Variants in ZFP37 observed in about 807,000 individuals in gnomAD.
ZFP37 encodes the protein zinc finger protein 37 homolog.
In ZFP37, 38 loss-of-function variants were observed where a neutral mutation model predicts 52.1. The ratio of observed to expected loss-of-function variants is 0.73; its 90% CI spans 0.56 to 0.96. The LOEUF is 0.96. ZFP37 is among the 40% of genes least tolerant of loss of function. ZFP37 has a pLI of 0.00. For missense variants in ZFP37, 695 were observed against 741.4 expected (o/e 0.94, Z 0.73); for synonymous variants, 253 against 259.5 (o/e 0.98, Z 0.24).
At position 113,052,458 on chromosome 9, in the gene ZFP37, G is replaced by T. The variant is rs1055996106; in HGVS notation, c.133-2586C>A. On this transcript the variant is annotated intron_variant, in intron 1 of 3. Transcript: ENST00000374227. This position sits in a 1 kb window ranked among gnomAD's most constrained non-coding sequence, Gnocchi z 4.1. ...GACTCACATGACTCAGTATATAATTGTACTCATAGCTATTATTTATTGTAG... is the reference window on the plus strand; with the variant it reads ...GACTCACATGACTCAGTATATAATTTTACTCATAGCTATTATTTATTGTAG... Among the ~76,000 whole-genome samples, 1 of 152,068 alleles carries T rather than the reference G, an allele frequency of 6.6e-6. No homozygotes were observed. Among genetic ancestry groups the T allele is most frequent in the African/African-American group, 2.4e-5 (1 of 41,394 alleles).
Position 113,043,051 on chromosome 9 carries a change from C to T in ZFP37, c.1567G>A (p.Gly523Arg). ...CCTTCAATTTGTTTAAAGCCTTTCC[C>T]ACATTGATTACATTCAAAGGGACTT... is the stretch of plus-strand genomic sequence containing the variant. ...GESPFECNQC[G>R]KGFKQIEGLT... Residue 523 changes from glycine (G) to arginine (R), a missense_variant, in exon 4 of 4, where the codon GGG becomes AGG. Coordinates refer to ENST00000374227, the MANE Select transcript of ZFP37 (RefSeq NM_003408.3). 1 of 1,613,554 alleles carries T rather than the reference C, an allele frequency of 6.2e-7. No homozygotes were observed. The highest frequency in any genetic ancestry group is 8.5e-7 in the Non-Finnish European group (1 of 1,179,922).
rs373545380 is a variant in ZFP37, at chr9:113,056,717, G to C, written c.-29C>G. ...GGCTACCCGGAGGGCGGCCTTAGCGGGTCCGGCAGCCGCGATGGCGGCGCC... is the reference window on the plus strand; with the variant it reads ...GGCTACCCGGAGGGCGGCCTTAGCGCGTCCGGCAGCCGCGATGGCGGCGCC... On this transcript the variant is annotated 5_prime_UTR_variant, in exon 1 of 4. Transcript: ENST00000374227. 29 of 1,602,888 alleles carry C rather than the reference G, an allele frequency of 1.8e-5. No homozygotes were observed. The African/African-American group carries it at 3.6e-4, about 20-fold the overall frequency.
intron 3 of ZFP37, among the ~76,000 whole-genome samples, chr9:113,046,100 G>C (rs1325171237): frequency 6.6e-6 from 1 of 151,486 alleles, no homozygotes; most frequent in Non-Finnish European, 1.5e-5. Context: ...TAATTCCCAT[G>C]TTGCAGAAGA....
rs74440969 is a variant in ZFP37 at position 113,048,293 on chromosome 9, G to A, written c.349+1069C>T. Among the ~76,000 whole-genome samples, 775 of 152,248 alleles carry A rather than the reference G, an allele frequency of 5.1e-3. 7 individuals are homozygous for A. The highest frequency in any genetic ancestry group is 0.017 in the African/African-American group (706 of 41,536). ...GGGTCTAGAGAATTTCCTAGTGAAA[G>A]GAGAGAAACGGAAATAACTCAGGGC... On this transcript the variant is annotated intron_variant, in intron 3 of 3. Coordinates refer to ENST00000374227, the MANE Select transcript of ZFP37 (RefSeq NM_003408.3).
intron 1 of ZFP37, 75 bp downstream of exon 1, chr9:113,056,482 A>T: frequency 6.3e-7 from 1 of 1,577,182 alleles, no homozygotes; most frequent in South Asian, 1.1e-5. Context: ...CTATCGTCAC[A>T]GACTACTCCA....
chr9:113,056,464 C>T, intron 1 of ZFP37, 93 bp downstream of exon 1: 1 of 1,549,012 alleles, frequency 6.5e-7, no homozygotes, highest in South Asian at 1.2e-5. Context: ...CACCAATTCC[C>T]AAATCACCTA....
chr9:113,043,790 G>T lies in ZFP37; in HGVS notation c.828C>A (p.Ser276Arg), dbSNP rs559269132. ...QTGEKHEKSP[S>R]LSSSTKHEKP... is the part of the protein sequence containing the mutation. ...TTTCATGCTTAGTAGATGAGCTAAGGCTGGGTGATTTCTCATGTTTCTCTC... is the reference window on the plus strand; with the variant it reads ...TTTCATGCTTAGTAGATGAGCTAAGTCTGGGTGATTTCTCATGTTTCTCTC... The change falls in exon 4 of 4, where the codon AGC becomes AGA. Residue 276 changes from serine (S) to arginine (R), a missense_variant. Around this residue, in one of 2 missense-constraint regions of ZFP37, gnomAD observed 369 missense variants for 340.9 expected, o/e 1.08. Coordinates refer to ENST00000374227, the MANE Select transcript of ZFP37 (RefSeq NM_003408.3). 25 of 1,614,014 alleles carry T rather than the reference G, an allele frequency of 1.5e-5. No individual in the cohort carries two copies. The highest frequency in any genetic ancestry group is 6.6e-5 in the South Asian group (6 of 91,078).
rs1828804603 is a variant in ZFP37 at position 113,038,924 on chromosome 9, A to G, written c.*3801T>C. 2 of 152,172 alleles carry G rather than the reference A, an allele frequency of 1.3e-5. 1 individual carries two copies. The highest frequency in any genetic ancestry group is 4.1e-4 in the South Asian group (2 of 4,828). The allele number at this position is 152,172 out of a possible 1,614,324, so 9.4% of individuals were successfully genotyped here. A position where few individuals can be genotyped will look rare whatever the true frequency, so the allele number is the denominator to read the frequency against. On this transcript the variant is annotated 3_prime_UTR_variant, in exon 4 of 4. Transcript: ENST00000374227. ...TTTGTGGAAAATTTTAATTTTCTTC[A>G]ATATTGGATTACTCACTTGATGCCT...
chr9:113,049,451 C>G lies in ZFP37; in HGVS notation c.260G>C (p.Gly87Ala). 6.2e-7 allele frequency: 1 copy of G among 1,614,062 alleles called. No individual in the cohort carries two copies. Among genetic ancestry groups the G allele is most frequent in the East Asian group, 2.2e-5 (1 of 44,872 alleles). Residue 87 changes from glycine (G) to alanine (A), a missense_variant, in exon 3 of 4, where the codon GGA (glycine) becomes GCA (alanine). Transcript: ENST00000374227. ...CCCCTTCCCCAACCATGGTGCTTCT[C>G]CTTTTTCCAACTTGGAGATCATGTC... ...KPDMISKLEK[G>A]EAPWLGKGKR...
At chr9:113,045,810 G>C (rs1230260322) in intron 3 of ZFP37, among the ~76,000 whole-genome samples, 1 of 152,132 alleles carries the variant, frequency 6.6e-6, no homozygotes, top group Non-Finnish European at 1.5e-5. Context: ...ATAATCTTAA[G>C]AGCTGGGGCC....
Position 113,040,532 on chromosome 9 carries a change from A to T in ZFP37, c.*2193T>A, listed in dbSNP as rs747312456. Reference sequence around the variant, plus strand: ...TGTGTGCACATGCACATACACGAACACATATTCCATTCTCAATATATTATA... The same window carrying T: ...TGTGTGCACATGCACATACACGAACTCATATTCCATTCTCAATATATTATA... On this transcript the variant is annotated 3_prime_UTR_variant, in exon 4 of 4. Transcript: ENST00000374227. 19 of 152,268 alleles carry T rather than the reference A, an allele frequency of 1.2e-4. No homozygotes were observed. Among genetic ancestry groups the T allele is most frequent in the Admixed American group, 9.8e-4 (15 of 15,288 alleles). 9.4% of individuals were successfully genotyped at this position (152,268 alleles called of 1,614,324 possible).
Position 113,055,671 on chromosome 9 carries a change from G to A in ZFP37, c.132+886C>T, listed in dbSNP as rs1260845611. Among the ~76,000 whole-genome samples, 8 of 151,954 alleles carry A rather than the reference G, an allele frequency of 5.3e-5. No homozygotes were observed. In the East Asian group the frequency reaches 1.4e-3, roughly 26 times the overall value. ...ACCTTCACAAACTTCTCCCAATTAT[G>A]GATCTCTGCAAGTTCCCAACTATCA... On this transcript the variant is annotated intron_variant, in intron 1 of 3. Transcript: ENST00000374227.
At position 113,056,642 on chromosome 9, in the gene ZFP37, A is replaced by G. The variant is rs768981080; in HGVS notation, c.47T>C (p.Val16Ala). The change falls in exon 1 of 4, where the codon GTG becomes GCG. Residue 16 changes from valine (V) to alanine (A), a missense_variant. Val to Ala is a moderately conservative substitution (Grantham distance 64). Coordinates refer to ENST00000374227, the MANE Select transcript of ZFP37 (RefSeq NM_003408.3). ...CGTTTCCGCACTTCTCCTCCGGTCC[A>G]CGGTCTCTGGCTTTGTCAGAATCTG... is the stretch of plus-strand genomic sequence containing the variant. ...GVQILTKPET[V>A]DRRRSAETTK... is the part of the protein sequence containing the mutation. 2 of 1,613,882 alleles carry G rather than the reference A, an allele frequency of 1.2e-6. No homozygotes were observed. The highest frequency in any genetic ancestry group is 1.3e-5 in the African/African-American group (1 of 75,044).
At position 113,044,060 on chromosome 9, in the gene ZFP37, C is replaced by A. The variant is rs763594650; in HGVS notation, c.558G>T (p.Gln186His). 6.2e-7 allele frequency: 1 copy of A among 1,609,986 alleles called. No individual in the cohort carries two copies. The highest frequency in any genetic ancestry group is 1.7e-5 in the Admixed American group (1 of 59,134). The change falls in exon 4 of 4, where the codon CAG becomes CAT. Residue 186 changes from glutamine (Q) to histidine (H), a missense_variant. By Grantham distance (24) the Gln-to-His change is conservative. Coordinates refer to ENST00000374227, the MANE Select transcript of ZFP37 (RefSeq NM_003408.3). ...KFESCGKILK[Q>H]NLDLPDHSRN... is the part of the protein sequence containing the mutation. Reference sequence around the variant, plus strand: ...TTGAGTGATCAGGTAAATCTAAATTCTGTTTCAAAATTTTTCCACATGACT... The same window carrying A: ...TTGAGTGATCAGGTAAATCTAAATTATGTTTCAAAATTTTTCCACATGACT...
In ZFP37 at chr9:113,038,706, C is replaced by T. The variant is rs1396109968; in HGVS notation, c.*4019G>A. ...GCTAAGGTGGGAGGAGTGCTTAAGC[C>T]TGGGAGGTAGAGATTGTAATGAGCC... On this transcript the variant is annotated 3_prime_UTR_variant, in exon 4 of 4. Coordinates refer to ENST00000374227, the MANE Select transcript of ZFP37 (RefSeq NM_003408.3). 1 of 151,876 alleles carries T rather than the reference C, an allele frequency of 6.6e-6. No homozygotes were observed. Among genetic ancestry groups the T allele is most frequent in the Non-Finnish European group, 1.5e-5 (1 of 68,000 alleles). The allele number at this position is 151,876 out of a possible 1,614,324, so 9.4% of individuals were successfully genotyped here.
At chr9:113,053,591 C>T (rs1829093581) in intron 1 of ZFP37, among the ~76,000 whole-genome samples, 1 of 152,186 alleles carries the variant, frequency 6.6e-6, no homozygotes, top group Non-Finnish European at 1.5e-5. Flanking sequence ...TTTGAACATT[C>T]TCCTTTTTAA....
rs970627972 is a variant in ZFP37 at position 113,041,113 on chromosome 9, A to G, written c.*1612T>C. 1.3e-5 allele frequency: 2 copies of G among 152,036 alleles called. No homozygotes were observed. Among genetic ancestry groups the G allele is most frequent in the African/African-American group, 4.8e-5 (2 of 41,386 alleles). The allele number at this position is 152,036 out of a possible 1,614,324, so 9.4% of individuals were successfully genotyped here. A position where few individuals can be genotyped will look rare whatever the true frequency, so the allele number is the denominator to read the frequency against. On this transcript the variant is annotated 3_prime_UTR_variant, in exon 4 of 4. Transcript: ENST00000374227. ...TGCCCAGATAATTTTTTGTATTTTT[A>G]GTAGAGATGGGGTTTCATTGTGTTG...
intron 3 of ZFP37, among the ~76,000 whole-genome samples, chr9:113,045,447 G>C (rs1334077784): frequency 1.3e-5 from 2 of 152,050 alleles, no homozygotes; most frequent in Admixed American, 1.3e-4. Context: ...TTTTCCAATA[G>C]TTTGCTATGG....
chr9:113,048,025 G>A (rs1203703882), intron 3 of ZFP37, among the ~76,000 whole-genome samples: 1 of 152,218 alleles, frequency 6.6e-6, no homozygotes, highest in Non-Finnish European at 1.5e-5. Flanking sequence ...TCAGCAAAAT[G>A]AGAAGGAAGA....
Sources: gnomAD v4.1 joint callset for allele counts (sites outside exome capture counted in the v4.1 genomes callset) on GRCh38, gnomAD v4.1.1 for gene constraint, gnomAD v4.1.1 regional missense constraint, Gnocchi (gnomAD v3.1) non-coding constraint, MANE v1.5 for transcripts, NCBI Gene and HGNC (gene_info 2026-07-23, HGNC 2026-07-21) for gene names.